TRERF1: variants seen among roughly 807,000 people sequenced by gnomAD.
The protein encoded by TRERF1 is transcriptional-regulating factor 1.
Under a neutral mutation model 122.9 loss-of-function variants are expected in TRERF1, and 27 were observed. The ratio of observed to expected loss-of-function variants is 0.22; its 90% CI spans 0.16 to 0.30. TRERF1 has a LOEUF of 0.30. TRERF1 is among the 10% of genes least tolerant of loss of function. The probability of loss-of-function intolerance (pLI) is 1.00; values close to 1 mark genes in which losing one functional copy is unlikely to be tolerated. For synonymous variants in TRERF1, 636 were observed against 641.7 expected, an observed-to-expected ratio of 0.99 and a Z score of 0.13; for missense variants, 1,248 against 1,560.3, an observed-to-expected ratio of 0.80 and a Z score of 3.37.
At chr6:42,246,319 C>T (rs1003260722) in intron 14 of TRERF1, 137 bp downstream of exon 14, 5 of 715,296 alleles carry the variant, frequency 7.0e-6, no homozygotes, top group Non-Finnish European at 1.2e-5. Context: ...CCTATCTCCA[C>T]TACCATCCTC....
At chr6:42,356,606 C>T (rs1436216792) in intron 3 of TRERF1, among the ~76,000 whole-genome samples, 2 of 152,182 alleles carry the variant, frequency 1.3e-5, no homozygotes, top group African/African-American at 2.4e-5. Flanking sequence ...TGGAGTCTTG[C>T]TCTTGTTGCC....
intron 2 of TRERF1, among the ~76,000 whole-genome samples, chr6:42,440,810 C>G (rs1786376269): frequency 6.6e-6 from 1 of 152,094 alleles, no homozygotes; most frequent in Non-Finnish European, 1.5e-5. Flanking sequence ...AGGTTACAAA[C>G]TGATTGGAGA....
At chr6:42,387,498 A>G (rs746812465) in intron 2 of TRERF1, among the ~76,000 whole-genome samples, 1 of 152,124 alleles carries the variant, frequency 6.6e-6, no homozygotes, top group African/African-American at 2.4e-5. Flanking sequence ...CTTGTGGTTT[A>G]CTCTGGCACA....
intron 4 of TRERF1, among the ~76,000 whole-genome samples, chr6:42,284,815 G>A (rs139628998): frequency 1.2e-4 from 18 of 152,296 alleles, no homozygotes; most frequent in Admixed American, 3.3e-4. Flanking sequence ...GAACTATGCC[G>A]TCTGACATTG....
At chr6:42,307,856 AG>A (rs972156993) in intron 3 of TRERF1, among the ~76,000 whole-genome samples, 2 of 152,172 alleles carry the variant, frequency 1.3e-5, no homozygotes, top group African/African-American at 4.8e-5. Context: ...CTCTCATCAA[AG>A]TGGTGGTTCT....
intron 13 of TRERF1, among the ~76,000 whole-genome samples, chr6:42,250,989 CTTCT>C (rs1292872594): frequency 8.1e-6 from 1 of 123,568 alleles, no homozygotes; most frequent in East Asian, 2.3e-4. Context: ...TTTTCTTTTG[CTTCT>C]TTTTTTTTTT....
intron 13 of TRERF1, among the ~76,000 whole-genome samples, chr6:42,253,310 G>A (rs1776166712): frequency 6.6e-6 from 1 of 152,134 alleles, no homozygotes; most frequent in African/African-American, 2.4e-5. Flanking sequence ...GCCACTCTGA[G>A]GGCTGAGGGC....
chr6:42,265,290 T>C (rs542500482), intron 6 of TRERF1, among the ~76,000 whole-genome samples: 42 of 152,346 alleles, frequency 2.8e-4, no homozygotes, highest in African/African-American at 9.6e-4. Context: ...TTATTGACCA[T>C]GCCCATGGGA....
In TRERF1 at chr6:42,393,085, G is replaced by T. The variant is rs375021167; in HGVS notation, c.-453-30006C>A. ...AACTCCCACGAGCTGGTGCGAGCCA[G>T]CTTCCACACGCATCACCGATCTAGG... On this transcript the variant is annotated intron_variant, in intron 2 of 17. Transcript: ENST00000372922. This position sits in a 1 kb window ranked among gnomAD's most constrained non-coding sequence, Gnocchi z 4.1. Among the ~76,000 whole-genome samples the T allele has an allele frequency of 1.2e-4, 18 of 152,326 alleles. No homozygotes were observed. The South Asian group carries it at 1.9e-3, about 16-fold the overall frequency.
At chr6:42,451,998 G>C (rs888391699) in intron 1 of TRERF1, 72 bp from the exon 1 acceptor site, 6 of 152,498 alleles carry the variant, frequency 3.9e-5, no homozygotes, top group African/African-American at 1.5e-4. Flanking sequence ...ACTCGGGGCC[G>C]AGCCGCGGTA....
chr6:42,382,664 C>G (rs1172643547), intron 2 of TRERF1, among the ~76,000 whole-genome samples: 1 of 152,092 alleles, frequency 6.6e-6, no homozygotes, highest in African/African-American at 2.4e-5. Context: ...TCCAAAATGT[C>G]TGAAAACAGA....
chr6:42,444,504 G>T (rs551242202), intron 2 of TRERF1, among the ~76,000 whole-genome samples: 1 of 152,182 alleles, frequency 6.6e-6, no homozygotes, highest in Admixed American at 6.5e-5. Flanking sequence ...GGCAGCCTCA[G>T]CCTGGGGAGG....
chr6:42,385,605 C>A (rs1430404324), intron 2 of TRERF1, among the ~76,000 whole-genome samples: 1 of 152,168 alleles, frequency 6.6e-6, no homozygotes, highest in African/African-American at 2.4e-5. Flanking sequence ...TCGGGAGTGG[C>A]AGGCACCTCT....
chr6:42,282,894 T>C (rs1318615356), intron 4 of TRERF1, among the ~76,000 whole-genome samples: 1 of 152,226 alleles, frequency 6.6e-6, no homozygotes, highest in Admixed American at 6.5e-5. Flanking sequence ...GATCAGTATA[T>C]AACCTTGTTT....
intron 3 of TRERF1, among the ~76,000 whole-genome samples, chr6:42,321,042 G>A (rs1204187557): frequency 6.6e-6 from 1 of 151,390 alleles, no homozygotes; most frequent in Non-Finnish European, 1.5e-5. Flanking sequence ...CGGAGGGCAG[G>A]AATCAGATAG....
At chr6:42,337,971 G>A (rs986033920) in intron 3 of TRERF1, among the ~76,000 whole-genome samples, 2 of 152,180 alleles carry the variant, frequency 1.3e-5, no homozygotes, top group Admixed American at 1.3e-4. Flanking sequence ...TGCATGTTAG[G>A]GATGCGGAGT....
At chr6:42,304,584 G>A (rs11970571) in intron 3 of TRERF1, among the ~76,000 whole-genome samples, 21,402 of 152,218 alleles carry the variant, frequency 0.14, 1,739 homozygotes, top group African/African-American at 0.23. Context: ...GTCAGCTATT[G>A]CTGACCAGGG....
chr6:42,437,215 G>A (rs1213502450), intron 2 of TRERF1, among the ~76,000 whole-genome samples: 3 of 152,050 alleles, frequency 2.0e-5, no homozygotes, highest in East Asian at 1.9e-4. Flanking sequence ...CCTCCCACTT[G>A]CAGCCCAGCC....
intron 3 of TRERF1, among the ~76,000 whole-genome samples, chr6:42,301,876 T>C (rs1044835772): frequency 1.3e-5 from 2 of 152,092 alleles, no homozygotes; most frequent in African/African-American, 2.4e-5. Flanking sequence ...GAAAGAAAAA[T>C]GATTTCAAAT....
Sources: gnomAD v4.1 joint callset for allele counts (sites outside exome capture counted in the v4.1 genomes callset) on GRCh38, gnomAD v4.1.1 for gene constraint, Gnocchi (gnomAD v3.1) non-coding constraint, MANE v1.5 for transcripts, NCBI Gene and HGNC (gene_info 2026-07-23, HGNC 2026-07-21) for gene names.